Variants in CTNNA3 observed in about 807,000 individuals in gnomAD.
CTNNA3 encodes catenin alpha-3.
CTNNA3 carries 76 observed loss-of-function variants against 95.7 expected under a neutral mutation model. The observed-to-expected ratio is 0.79, with a 90% CI of 0.66 to 0.96. CTNNA3 has a LOEUF of 0.96. Ranked by LOEUF, CTNNA3 falls within the 40% of genes least tolerant of loss-of-function variation. The pLI is 0.00. For missense variants in CTNNA3, 1,191 were observed against 1,089.8 expected, an observed-to-expected ratio of 1.09 and a Z score of -1.31; for synonymous variants, 431 against 374.4, an observed-to-expected ratio of 1.15 and a Z score of -1.74.
chr10:67,419,914 C>T (rs886424673), intron 5 of CTNNA3, among the ~76,000 whole-genome samples: 3 of 151,916 alleles, frequency 2.0e-5, no homozygotes, highest in African/African-American at 7.3e-5. Flanking sequence ...TGCAGTGGCA[C>T]GATCTTGGCT....
At chr10:66,654,711 T>G (rs1327535505) in intron 9 of CTNNA3, among the ~76,000 whole-genome samples, 2 of 152,036 alleles carry the variant, frequency 1.3e-5, no homozygotes, top group Non-Finnish European at 2.9e-5. Context: ...AACTAAATGT[T>G]TGTCAACATA....
chr10:67,757,678 GCC>G (rs113096677), intron 1 of CTNNA3, among the ~76,000 whole-genome samples: 5,492 of 152,154 alleles, frequency 0.036, 101 homozygotes, highest in Middle Eastern at 0.082. Context: ...GGGCTCTCAG[GCC>G]TTTGGCCACA....
chr10:66,110,921 C>A (rs995849092), intron 13 of CTNNA3, among the ~76,000 whole-genome samples: 5 of 152,134 alleles, frequency 3.3e-5, no homozygotes, highest in Admixed American at 3.3e-4. Flanking sequence ...ACCTGTATGG[C>A]ATGTTACTGT....
chr10:66,888,855 T>C lies in CTNNA3; in HGVS notation c.1048-113331A>G, dbSNP rs114582427. 2.3e-3 allele frequency among the ~76,000 whole-genome samples: 351 copies of C among 152,272 alleles called. 3 individuals are homozygous for C. The highest frequency in any genetic ancestry group is 8.3e-3 in the African/African-American group (343 of 41,564). ...TACTCTCACCATACAATCCAGCTAC[T>C]GCGATCCTTGGTATTTGCCCCAAAG... On this transcript the variant is annotated intron_variant, in intron 7 of 17. Coordinates refer to ENST00000433211, the MANE Select transcript of CTNNA3 (RefSeq NM_013266.4).
intron 2 of CTNNA3, among the ~76,000 whole-genome samples, chr10:67,645,955 A>AT (rs1347011556): frequency 6.8e-6 from 1 of 148,094 alleles, no homozygotes; most frequent in East Asian, 1.9e-4. Flanking sequence ...ATATATATAT[A>AT]ATATATATAC....
intron 14 of CTNNA3, among the ~76,000 whole-genome samples, chr10:66,090,564 G>A (rs7919781): frequency 0.22 from 34,093 of 151,862 alleles, 3,893 homozygotes; most frequent in South Asian, 0.36. Flanking sequence ...CTCAATGACA[G>A]CAGTTAGTAA....
intron 13 of CTNNA3, among the ~76,000 whole-genome samples, chr10:66,198,780 T>C (rs979949583): frequency 6.6e-6 from 1 of 152,222 alleles, no homozygotes; most frequent in East Asian, 1.9e-4. Flanking sequence ...ATGTACTTTA[T>C]GTAATATATT....
chr10:66,966,388 T>A lies in CTNNA3; in HGVS notation c.1048-190864A>T, dbSNP rs564426572. 4.6e-5 allele frequency among the ~76,000 whole-genome samples: 7 copies of A among 152,278 alleles called. No individual in the cohort carries two copies. In the South Asian group the frequency reaches 1.5e-3, roughly 32 times the overall value. ...TTTGTATAATGAAATGAAAAATTAA[T>A]TTATTTGATGTCATTACTTTTTAAA... is the stretch of plus-strand genomic sequence containing the variant. On this transcript the variant is annotated intron_variant, in intron 7 of 17. Coordinates refer to ENST00000433211, the MANE Select transcript of CTNNA3 (RefSeq NM_013266.4).
chr10:67,470,990 A>AT (rs1847800041), intron 5 of CTNNA3, among the ~76,000 whole-genome samples: 1 of 151,282 alleles, frequency 6.6e-6, no homozygotes, highest in African/African-American at 2.4e-5. Flanking sequence ...TTATTTTTGT[A>AT]TTTTTTGTAG....
At chr10:66,955,628 G>C (rs926377515) in intron 7 of CTNNA3, among the ~76,000 whole-genome samples, 1 of 152,120 alleles carries the variant, frequency 6.6e-6, no homozygotes, top group African/African-American at 2.4e-5. Flanking sequence ...TATATGGATA[G>C]ACACACGACT....
intron 9 of CTNNA3, among the ~76,000 whole-genome samples, chr10:66,720,082 T>G (rs1012896764): frequency 2.6e-5 from 4 of 152,152 alleles, no homozygotes; most frequent in African/African-American, 7.2e-5. Flanking sequence ...CCCTATCCCA[T>G]GCACTCCAGG....
At chr10:66,442,593 T>C (rs578180444) in intron 11 of CTNNA3, among the ~76,000 whole-genome samples, 3 of 152,162 alleles carry the variant, frequency 2.0e-5, no homozygotes, top group Non-Finnish European at 4.4e-5. Flanking sequence ...GAAAGTTGCA[T>C]TGATGAATAG....
chr10:67,680,083 T>C (rs1189070504), intron 1 of CTNNA3, among the ~76,000 whole-genome samples: 2 of 152,176 alleles, frequency 1.3e-5, no homozygotes, highest in South Asian at 2.1e-4. Context: ...TGGATGTCAA[T>C]TGAGTAACAG....
chr10:66,965,711 T>C (rs924759241), intron 7 of CTNNA3, among the ~76,000 whole-genome samples: 1 of 152,070 alleles, frequency 6.6e-6, no homozygotes, highest in African/African-American at 2.4e-5. Context: ...CCCTGAATTT[T>C]TCTCTCTTCC....
At chr10:66,196,553 T>G (rs1390430251) in intron 13 of CTNNA3, among the ~76,000 whole-genome samples, 1 of 152,208 alleles carries the variant, frequency 6.6e-6, no homozygotes, top group African/African-American at 2.4e-5. Flanking sequence ...CTTCCCTCCC[T>G]TACTGATTCA....
intron 13 of CTNNA3, among the ~76,000 whole-genome samples, chr10:66,233,553 C>T (rs1206046414): frequency 2.0e-5 from 3 of 152,070 alleles, no homozygotes; most frequent in Admixed American, 6.6e-5. Flanking sequence ...GATCAATAAA[C>T]ACATAAAATG....
chr10:66,946,684 T>C (rs527537275), intron 7 of CTNNA3, among the ~76,000 whole-genome samples: 1 of 152,248 alleles, frequency 6.6e-6, no homozygotes, highest in African/African-American at 2.4e-5. Context: ...CATCATGTTT[T>C]ACAAGATTCA....
At chr10:66,947,450 T>C (rs1016731648) in intron 7 of CTNNA3, among the ~76,000 whole-genome samples, 27 of 152,198 alleles carry the variant, frequency 1.8e-4, no homozygotes, top group Non-Finnish European at 3.8e-4. Flanking sequence ...ATGGTTCTGC[T>C]TCTTCTACAT....
At chr10:66,070,072 T>C (rs1292314724) in intron 14 of CTNNA3, among the ~76,000 whole-genome samples, 1 of 152,212 alleles carries the variant, frequency 6.6e-6, no homozygotes, top group East Asian at 1.9e-4. Flanking sequence ...AATAAAATTA[T>C]CAAAATATTT....
Sources: allele counts gnomAD v4.1 joint callset (sites outside exome capture counted in the v4.1 genomes callset), GRCh38; gene constraint gnomAD v4.1.1; transcripts MANE v1.5; gene names NCBI Gene and HGNC (gene_info 2026-07-23, HGNC 2026-07-21).